Variants in VARS2 observed in about 807,000 individuals in gnomAD.
VARS2 encodes the protein valyl-tRNA synthetase 2, mitochondrial.
In VARS2, 105 loss-of-function variants were observed where a neutral mutation model predicts 154.1. The ratio of observed to expected loss-of-function variants is 0.68; its 90% CI spans 0.58 to 0.80. The LOEUF is 0.80. Ranked by LOEUF, VARS2 falls within the 30% of genes least tolerant of loss-of-function variation. The pLI, the probability that VARS2 is intolerant of heterozygous loss-of-function variation, is 0.00. For synonymous variants in VARS2, 483 were observed against 539.5 expected (o/e 0.90, Z 1.45); for missense variants, 1,157 against 1,361.4 (o/e 0.85, Z 2.36).
In VARS2 at chr6:30,923,363, C is replaced by T. The variant is rs1794652851; in HGVS notation, c.2324C>T (p.Ser775Phe). The T allele has an allele frequency of 2.5e-6, 4 of 1,610,140 alleles. No individual in the cohort carries two copies. In the Middle Eastern group the frequency reaches 5.0e-4, roughly 199 times the overall value. The change falls in exon 25 of 30, where the codon TCC becomes TTC. Residue 775 changes from serine (S) to phenylalanine (F), a missense_variant. By Grantham distance (155) the Ser-to-Phe change is radical (BLOSUM62 -2). Coordinates refer to ENST00000676266, the MANE Select transcript of VARS2 (RefSeq NM_020442.6). ...CCCCTCTGCCTGCAGCTGTCTCCCT[C>T]CTCCCCGATGGATGCCTGGATCCTG... is the stretch of plus-strand genomic sequence containing the variant. ...VPQPAEELSP[S>F]SPMDAWILSR...
chr6:30,924,604 G>C, intron 26 of VARS2, 44 bp downstream of exon 26: 1 of 1,040,864 alleles, frequency 9.6e-7, no homozygotes, highest in Non-Finnish European at 1.4e-6. Context: ...GTGAATGGGG[G>C]GGAGCACCTT....
chr6:30,916,998 G>A lies in VARS2; in HGVS notation c.753+39G>A. Reference sequence around the variant, plus strand: ...GCCTTGGTCCCTGTGAGTGATGGGCGATGTTTAGGGATCTGTGTGGGGCAG... The same window carrying A: ...GCCTTGGTCCCTGTGAGTGATGGGCAATGTTTAGGGATCTGTGTGGGGCAG... On this transcript the variant is annotated intron_variant, in intron 8 of 29. Coordinates refer to ENST00000676266, the MANE Select transcript of VARS2 (RefSeq NM_020442.6). This position sits in a 1 kb window ranked among gnomAD's most constrained non-coding sequence, Gnocchi z 4.0. 3 of 1,613,448 alleles carry A rather than the reference G, an allele frequency of 1.9e-6. No individual in the cohort carries two copies. The highest frequency in any genetic ancestry group is 1.1e-5 in the South Asian group (1 of 91,042).
rs1200488485 is a variant in VARS2, at chr6:30,917,050, G to A, written c.754-55G>A. The A allele has an allele frequency of 6.2e-7, 1 of 1,613,812 alleles. No individual in the cohort carries two copies. Among genetic ancestry groups the A allele is most frequent in the African/African-American group, 1.3e-5 (1 of 74,924 alleles). ...GAGGAAGCAATGCCTGGGTCCCTGAGCAGGGTGATGGGCTGAGAAGTGGCT... is the reference window on the plus strand; with the variant it reads ...GAGGAAGCAATGCCTGGGTCCCTGAACAGGGTGATGGGCTGAGAAGTGGCT... On this transcript the variant is annotated intron_variant, in intron 8 of 29. Coordinates refer to ENST00000676266, the MANE Select transcript of VARS2 (RefSeq NM_020442.6). This position sits in a 1 kb window ranked among gnomAD's most constrained non-coding sequence, Gnocchi z 4.4.
chr6:30,921,298 AT>A lies in VARS2; in HGVS notation c.1626del (p.His542GlnfsTer21). 1 of 1,614,118 alleles carries A rather than the reference AT, an allele frequency of 6.2e-7. No individual in the cohort carries two copies. The highest frequency in any genetic ancestry group is 8.5e-7 in the Non-Finnish European group (1 of 1,179,992). Reference protein sequence around the residue: ...QIPAYLVVEDHAQGEEDCWVV... With the variant: ...QIPAYLVVEDXAQGEEDCWVV... ...CCAGCCTACCTGGTTGTAGAGGACC[AT>A]GCGCAGGTGGGTAGGAAGAAGCACC... On this transcript the variant is annotated frameshift_variant, in exon 17 of 30. Coordinates refer to ENST00000676266, the MANE Select transcript of VARS2 (RefSeq NM_020442.6). LOFTEE classifies it high-confidence loss of function. This position sits in a 1 kb window ranked among gnomAD's most constrained non-coding sequence, Gnocchi z 4.6.
rs755976276 is a variant in VARS2 at position 30,916,287 on chromosome 6, C to T, written c.671+38C>T. 3 of 1,561,056 alleles carry T rather than the reference C, an allele frequency of 1.9e-6. No individual in the cohort carries two copies. Among genetic ancestry groups the T allele is most frequent in the East Asian group, 4.5e-5 (2 of 44,306 alleles). On this transcript the variant is annotated intron_variant, in intron 7 of 29. Transcript: ENST00000676266. This position sits in a 1 kb window ranked among gnomAD's most constrained non-coding sequence, Gnocchi z 4.0. ...GGCAGGACTCGGGGGGCCCAGATGG[C>T]AGATTTGGTTTCTTGCCTCCCACCA...
rs1020344584 is a variant in VARS2 at position 30,922,745 on chromosome 6, G to T, written c.2077G>T (p.Ala693Ser). 6.2e-7 allele frequency: 1 copy of T among 1,612,450 alleles called. No individual in the cohort carries two copies. The highest frequency in any genetic ancestry group is 1.3e-5 in the African/African-American group (1 of 74,938). Residue 693 changes from alanine (A) to serine (S), a missense_variant, in exon 22 of 30, where the codon GCA becomes TCA. By Grantham distance (99) the Ala-to-Ser change is moderately conservative (BLOSUM62 1). Coordinates refer to ENST00000676266, the MANE Select transcript of VARS2 (RefSeq NM_020442.6). ...GCTGAGAAGCGGAAATTTGGACCCT[G>T]CAGAGCTGGCCATTGTGGCTGCAGC... ...EKLRSGNLDPAELAIVAAAQK... is the reference protein window; with the variant it reads ...EKLRSGNLDPSELAIVAAAQK...
rs191059829 is a variant in VARS2 at position 30,923,755 on chromosome 6, G to A, written c.2466+250G>A. On this transcript the variant is annotated intron_variant, in intron 25 of 29. Transcript: ENST00000676266. ...GACTTCTAGAAATGTCTGACAAGTC[G>A]GTGTCAGAAGGCAGAGGGGAATTTT... 5.3e-4 allele frequency: 295 copies of A among 553,496 alleles called. 2 individuals carry two copies. Among genetic ancestry groups the A allele is most frequent in the South Asian group, 4.3e-3 (151 of 35,194 alleles). The allele number at this position is 553,496 out of a possible 1,614,324, so 34.3% of individuals were successfully genotyped here.
Position 30,917,689 on chromosome 6 carries a change from C to G in VARS2, c.874-6C>G. ...CCCTCTGACCCAGCTTTCTCGGTGC[C>G]TCCAGGTGGAGAACCGGCCCCTGCC... is the stretch of plus-strand genomic sequence containing the variant. On this transcript the variant is annotated splice_polypyrimidine_tract_variant and splice_region_variant and intron_variant, in intron 9 of 29. Transcript: ENST00000676266. The surrounding 1 kb of genome is among the most constrained non-coding windows in gnomAD (Gnocchi z 4.4). The G allele has an allele frequency of 6.4e-7, 1 of 1,552,738 alleles. No individual in the cohort carries two copies. The highest frequency in any genetic ancestry group is 1.4e-5 in the African/African-American group (1 of 73,258).
In VARS2 at chr6:30,925,706, A is replaced by G. The variant is rs767732680; in HGVS notation, c.2948A>G (p.Tyr983Cys). Reference sequence around the variant, plus strand: ...CCACTCAGTGACACGGCTCAAGTCTACATGGAGCTGCAGGTGACCAGAGGG... The same window carrying G: ...CCACTCAGTGACACGGCTCAAGTCTGCATGGAGCTGCAGGTGACCAGAGGG... The part of the protein sequence containing the change: ...QAPLSDTAQV[Y>C]MELQGLVDPQ... The change falls in exon 28 of 30, where the codon TAC (tyrosine) becomes TGC (cysteine). Residue 983 changes from tyrosine to cysteine, a missense_variant. Tyr to Cys is a radical substitution (Grantham distance 194, BLOSUM62 -2). Transcript: ENST00000676266. 7 of 1,611,024 alleles carry G rather than the reference A, an allele frequency of 4.3e-6. No individual in the cohort carries two copies. The highest frequency in any genetic ancestry group is 5.9e-6 in the Non-Finnish European group (7 of 1,179,698).
chr6:30,914,534 C>T (rs892446718), intron 1 of VARS2, 190 bp downstream of exon 1: 1 of 1,342,690 alleles, frequency 7.4e-7, no homozygotes, highest in Non-Finnish European at 9.5e-7. Context: ...TGCCCATCAT[C>T]TCCCTGAGTT....
rs956759074 is a variant in VARS2, at chr6:30,921,044, T to C, written c.1480-21T>C. Reference sequence around the variant, plus strand: ...GCCGTGCAGGAAGGGCAACATTGTCTAAAGTCCCCTTTCTCTCCAGGCTGT... The same window carrying C: ...GCCGTGCAGGAAGGGCAACATTGTCCAAAGTCCCCTTTCTCTCCAGGCTGT... On this transcript the variant is annotated intron_variant, in intron 15 of 29. Transcript: ENST00000676266. The surrounding 1 kb of genome is among the most constrained non-coding windows in gnomAD (Gnocchi z 4.6). 2 of 1,600,016 alleles carry C rather than the reference T, an allele frequency of 1.2e-6. No homozygotes were observed. The highest frequency in any genetic ancestry group is 2.7e-5 in the African/African-American group (2 of 74,514).
chr6:30,920,016 G>T lies in VARS2; in HGVS notation c.1166-73G>T. 1 of 1,507,916 alleles carries T rather than the reference G, an allele frequency of 6.6e-7. No homozygotes were observed. Among genetic ancestry groups the T allele is most frequent in the Non-Finnish European group, 8.9e-7 (1 of 1,128,056 alleles). 93.4% of individuals were successfully genotyped at this position (1,507,916 alleles called of 1,614,324 possible). On this transcript the variant is annotated intron_variant, in intron 12 of 29. Transcript: ENST00000676266. This position sits in a 1 kb window ranked among gnomAD's most constrained non-coding sequence, Gnocchi z 4.6. Reference sequence around the variant, plus strand: ...AAGTCGCAGGGGCTGGGGCGGTGCAGGTGATGATGATACATCTGGAAAAGC... The same window carrying T: ...AAGTCGCAGGGGCTGGGGCGGTGCATGTGATGATGATACATCTGGAAAAGC...
In VARS2 at chr6:30,916,814, G is replaced by A. The variant is rs977793352; in HGVS notation, c.672-64G>A. The stretch of plus-strand genomic sequence containing the variant: ...AACACCTGGCATTGCTGGGGGCATC[G>A]CTGGGCCTGGTACATAGGAAGTGCT... On this transcript the variant is annotated intron_variant, in intron 7 of 29. Coordinates refer to ENST00000676266, the MANE Select transcript of VARS2 (RefSeq NM_020442.6). The surrounding 1 kb of genome is among the most constrained non-coding windows in gnomAD (Gnocchi z 4.0). The A allele has an allele frequency of 6.4e-6, 10 of 1,551,970 alleles. No individual in the cohort carries two copies. Among genetic ancestry groups the A allele is most frequent in the South Asian group, 1.1e-5 (1 of 89,752 alleles).
At position 30,923,392 on chromosome 6, in the gene VARS2, C is replaced by T. The variant is rs769354562; in HGVS notation, c.2353C>T (p.Arg785Cys). Residue 785 changes from arginine (R) to cysteine (C), a missense_variant, in exon 25 of 30, where the codon CGC (arginine) becomes TGC (cysteine). By Grantham distance (180) the Arg-to-Cys change is radical. Transcript: ENST00000676266. ...SSPMDAWILS[R>C]LALAAQECER... Reference sequence around the variant, plus strand: ...CCCGATGGATGCCTGGATCCTGAGCCGCCTTGCCCTGGCTGCCCAGGAGTG... The same window carrying T: ...CCCGATGGATGCCTGGATCCTGAGCTGCCTTGCCCTGGCTGCCCAGGAGTG... The T allele has an allele frequency of 2.4e-5, 39 of 1,611,936 alleles. 1 individual carries two copies. The highest frequency in any genetic ancestry group is 1.8e-4 in the East Asian group (8 of 44,870).
rs1173282687 is a variant in VARS2, at chr6:30,917,542, G to C, written c.874-153G>C. On this transcript the variant is annotated intron_variant, in intron 9 of 29. Transcript: ENST00000676266. The surrounding 1 kb of genome is among the most constrained non-coding windows in gnomAD (Gnocchi z 4.4). Reference sequence around the variant, plus strand: ...TAGAAGTGTGACTGCACGAGCATTGGGTGAGGGCAGAGGGAGGTAGCTCCC... The same window carrying C: ...TAGAAGTGTGACTGCACGAGCATTGCGTGAGGGCAGAGGGAGGTAGCTCCC... Among the ~76,000 whole-genome samples the C allele has an allele frequency of 6.6e-6, 1 of 152,278 alleles. No homozygotes were observed. Among genetic ancestry groups the C allele is most frequent in the Non-Finnish European group, 1.5e-5 (1 of 68,048 alleles).
Position 30,920,369 on chromosome 6 carries a change from T to C in VARS2, c.1330T>C (p.Ser444Pro). 1 of 1,613,446 alleles carries C rather than the reference T, an allele frequency of 6.2e-7. No individual in the cohort carries two copies. Among genetic ancestry groups the C allele is most frequent in the Non-Finnish European group, 8.5e-7 (1 of 1,179,728 alleles). ...HRFVAREKIM[S>P]VLSEWGLFRG... ...GTTTGTGGCCCGGGAAAAGATAATG[T>C]CTGTGCTGAGTGAATGGGGCCTGTT... The change falls in exon 14 of 30, where the codon TCT becomes CCT. Residue 444 changes from serine (S) to proline (P), a missense_variant. By Grantham distance (74) the Ser-to-Pro change is moderately conservative. Coordinates refer to ENST00000676266, the MANE Select transcript of VARS2 (RefSeq NM_020442.6). The surrounding 1 kb of genome is among the most constrained non-coding windows in gnomAD (Gnocchi z 4.6).
Position 30,921,392 on chromosome 6 carries a change from C to G in VARS2, c.1632+87C>G. On this transcript the variant is annotated intron_variant, in intron 17 of 29. Transcript: ENST00000676266. This position sits in a 1 kb window ranked among gnomAD's most constrained non-coding sequence, Gnocchi z 4.6. ...GAGCTCCGCAGGGCCAAGTCCCGCT[C>G]CTGCCTGGTCATGTGCTTCATGCTC... 1 of 1,532,722 alleles carries G rather than the reference C, an allele frequency of 6.5e-7. No individual in the cohort carries two copies. The highest frequency in any genetic ancestry group is 9.0e-7 in the Non-Finnish European group (1 of 1,112,122). 94.9% of individuals were successfully genotyped at this position (1,532,722 alleles called of 1,614,324 possible).
At position 30,917,348 on chromosome 6, in the gene VARS2, G is replaced by A. The variant is rs1451606321; in HGVS notation, c.873+124G>A. 1 of 1,500,398 alleles carries A rather than the reference G, an allele frequency of 6.7e-7. No individual in the cohort carries two copies. Among genetic ancestry groups the A allele is most frequent in the African/African-American group, 1.4e-5 (1 of 72,562 alleles). 92.9% of individuals were successfully genotyped at this position (1,500,398 alleles called of 1,614,324 possible). ...TCTGATGCCTGCCTGTTACAGCTGT[G>A]TGGCTTTTGGCAGGCCGTTTAGTCT... On this transcript the variant is annotated intron_variant, in intron 9 of 29. Transcript: ENST00000676266. The surrounding 1 kb of genome is among the most constrained non-coding windows in gnomAD (Gnocchi z 4.4).
At chr6:30,924,755 G>A (rs920865872) in intron 26 of VARS2, among the ~76,000 whole-genome samples, 195 bp downstream of exon 26, 2 of 152,154 alleles carry the variant, frequency 1.3e-5, no homozygotes, top group African/African-American at 4.8e-5. Flanking sequence ...TAGTGCTCAA[G>A]AGCAGGACTC....
Sources: gnomAD v4.1 joint callset for allele counts (sites outside exome capture counted in the v4.1 genomes callset) on GRCh38, gnomAD v4.1.1 for gene constraint, Gnocchi (gnomAD v3.1) non-coding constraint, MANE v1.5 for transcripts, NCBI Gene and HGNC (gene_info 2026-07-23, HGNC 2026-07-21) for gene names.